Variants in GSAP observed in about 807,000 individuals in gnomAD.
GSAP encodes gamma-secretase-activating protein.
GSAP carries 118 observed loss-of-function variants against 131.7 expected under a neutral mutation model. That is an observed-to-expected ratio of 0.90 (90% CI 0.77 to 1.04). The LOEUF is 1.04. Among genes scored for constraint, GSAP ranks in the 50% least tolerant of loss-of-function variants. GSAP has a pLI of 0.00. For missense variants in GSAP, 1,019 were observed against 1,013.2 expected (o/e 1.01, Z -0.08); for synonymous variants, 381 against 363.4 (o/e 1.05, Z -0.55).
At chr7:77,355,715 A>G in intron 14 of GSAP, 68 bp from the exon 15 acceptor site, 1 of 890,520 alleles carries the variant, frequency 1.1e-6, no homozygotes, top group Non-Finnish European at 1.9e-6. Context: ...ATGTCACATT[A>G]TCCCTGCTTG....
chr7:77,318,427 T>A (rs1005047653), intron 26 of GSAP, among the ~76,000 whole-genome samples: 4 of 152,210 alleles, frequency 2.6e-5, no homozygotes, highest in African/African-American at 9.6e-5. Context: ...TATGTTGGCC[T>A]AAAATGAAGC....
At position 77,377,404 on chromosome 7, in the gene GSAP, A is replaced by T; in HGVS notation, c.577-14T>A. 2.0e-6 allele frequency: 1 copy of T among 497,814 alleles called. No individual in the cohort carries two copies. 30.8% of individuals were successfully genotyped at this position (497,814 alleles called of 1,614,324 possible). On this transcript the variant is annotated splice_polypyrimidine_tract_variant and intron_variant, in intron 8 of 30. Coordinates refer to ENST00000257626, the MANE Select transcript of GSAP (RefSeq NM_017439.4). Reference sequence around the variant, plus strand: ...ATTTTTAATCACCTAAAAATGCAAAAAAAAAAAAAAAAAAAAAAGTATGAA... The same window carrying T: ...ATTTTTAATCACCTAAAAATGCAAATAAAAAAAAAAAAAAAAAAGTATGAA...
At chr7:77,390,444 C>T (rs1799290169) in intron 5 of GSAP, among the ~76,000 whole-genome samples, 1 of 152,148 alleles carries the variant, frequency 6.6e-6, no homozygotes, top group South Asian at 2.1e-4. Context: ...TTTAATCCAT[C>T]TTGAATTAAT....
In GSAP at chr7:77,320,804, A is replaced by C. The variant is rs760124354; in HGVS notation, c.2010T>G (p.Ser670Arg). 5 of 1,606,182 alleles carry C rather than the reference A, an allele frequency of 3.1e-6. No homozygotes were observed. The African/African-American group carries it at 6.7e-5, about 21-fold the overall frequency. ...TGTGAAAAACTGCAAATTCAGCAGC[A>C]CTGCCACGACTATTGCTGGGTAAAA... Reference protein sequence around the residue: ...SWVLHFNSRGSAAEFAVFHIM... With the variant: ...SWVLHFNSRGRAAEFAVFHIM... The change falls in exon 26 of 31, where the codon AGT becomes AGG. Residue 670 changes from serine to arginine, a missense_variant. By Grantham distance (110) the Ser-to-Arg change is moderately radical (BLOSUM62 -1). Coordinates refer to ENST00000257626, the MANE Select transcript of GSAP (RefSeq NM_017439.4).
At chr7:77,384,981 G>A (rs1449331260) in intron 6 of GSAP, among the ~76,000 whole-genome samples, 3 of 151,772 alleles carry the variant, frequency 2.0e-5, no homozygotes, top group African/African-American at 7.3e-5. Flanking sequence ...CTTTATTTGG[G>A]TTGGGACTTT....
intron 1 of GSAP, among the ~76,000 whole-genome samples, chr7:77,411,447 T>A (rs559727258): frequency 6.6e-6 from 1 of 152,352 alleles, no homozygotes; most frequent in African/African-American, 2.4e-5. Flanking sequence ...AGTCAACATA[T>A]AAGATCTATC....
In GSAP at chr7:77,372,431, A is replaced by C. The variant is rs910500859; in HGVS notation, c.871+1639T>G. Reference sequence around the variant, plus strand: ...TTTTTCAAGAAATTATGAAAATTTGAATAGAAAATAAAGTTTATTGATTAA... The same window carrying C: ...TTTTTCAAGAAATTATGAAAATTTGCATAGAAAATAAAGTTTATTGATTAA... On this transcript the variant is annotated intron_variant, in intron 12 of 30. Coordinates refer to ENST00000257626, the MANE Select transcript of GSAP (RefSeq NM_017439.4). 1.4e-4 allele frequency among the ~76,000 whole-genome samples: 21 copies of C among 152,322 alleles called. No individual in the cohort carries two copies. The South Asian group carries it at 3.1e-3, about 23-fold the overall frequency.
rs760411955 is a variant in GSAP, at chr7:77,313,441, G to T, written c.2271+47C>A. The T allele has an allele frequency of 5.7e-5, 53 of 926,560 alleles. No homozygotes were observed. In the Admixed American group the frequency reaches 1.0e-3, roughly 18 times the overall value. The allele number at this position is 926,560 out of a possible 1,614,324, so 57.4% of individuals were successfully genotyped here. On this transcript the variant is annotated intron_variant, in intron 28 of 30. Coordinates refer to ENST00000257626, the MANE Select transcript of GSAP (RefSeq NM_017439.4). ...TTTTTGCAAGAAGAAATTGAAGGAGGGTAATGCCAAAGCTTAGGGAGAAAA... is the reference window on the plus strand; with the variant it reads ...TTTTTGCAAGAAGAAATTGAAGGAGTGTAATGCCAAAGCTTAGGGAGAAAA...
At chr7:77,319,500 A>C (rs972028390) in intron 26 of GSAP, among the ~76,000 whole-genome samples, 1 of 152,202 alleles carries the variant, frequency 6.6e-6, no homozygotes, top group East Asian at 1.9e-4. Flanking sequence ...TCCTCAAAAA[A>C]TTTAAAAAAA....
At position 77,362,675 on chromosome 7, in the gene GSAP, A is replaced by G. The variant is rs1369598737; in HGVS notation, c.872-15T>C. 6.9e-7 allele frequency: 1 copy of G among 1,455,716 alleles called. No homozygotes were observed. Among genetic ancestry groups the G allele is most frequent in the Non-Finnish European group, 9.6e-7 (1 of 1,037,296 alleles). The allele number at this position is 1,455,716 out of a possible 1,614,324, so 90.2% of individuals were successfully genotyped here. A position where few individuals can be genotyped will look rare whatever the true frequency, so the allele number is the denominator to read the frequency against. On this transcript the variant is annotated splice_polypyrimidine_tract_variant and intron_variant, in intron 12 of 30. Transcript: ENST00000257626. ...ACACAAACTTCCTAGAAGAAAAAGG[A>G]TATTTAGTAGAGTTTAACAGAATCT...
intron 19 of GSAP, among the ~76,000 whole-genome samples, chr7:77,346,129 G>A (rs1380750514): frequency 6.6e-6 from 1 of 151,494 alleles, no homozygotes; most frequent in Non-Finnish European, 1.5e-5. Context: ...AATTATCCGG[G>A]CATAGTGGTG....
At position 77,378,680 on chromosome 7, in the gene GSAP, A is replaced by C. The variant is rs150317080; in HGVS notation, c.577-1290T>G. Among the ~76,000 whole-genome samples, 159 of 152,300 alleles carry C rather than the reference A, an allele frequency of 1.0e-3. 1 individual carries two copies. In the East Asian group the frequency reaches 0.025, roughly 24 times the overall value. ...AACAGGTAAGAAAACTGAGGTCCTG[A>C]GCAGTTAGATTAGGCTGCATAGTTA... On this transcript the variant is annotated intron_variant, in intron 8 of 30. Coordinates refer to ENST00000257626, the MANE Select transcript of GSAP (RefSeq NM_017439.4).
At chr7:77,341,820 A>G (rs1790950550) in intron 19 of GSAP, among the ~76,000 whole-genome samples, 1 of 152,270 alleles carries the variant, frequency 6.6e-6, no homozygotes, top group Admixed American at 6.5e-5. Flanking sequence ...GAGTAGAGGC[A>G]GCCAAGTAGC....
In GSAP at chr7:77,349,424, A is replaced by C; in HGVS notation, c.1492-20T>G. The C allele has an allele frequency of 6.2e-7, 1 of 1,606,002 alleles. No individual in the cohort carries two copies. Among genetic ancestry groups the C allele is most frequent in the Non-Finnish European group, 8.5e-7 (1 of 1,174,196 alleles). On this transcript the variant is annotated intron_variant, in intron 18 of 30. Coordinates refer to ENST00000257626, the MANE Select transcript of GSAP (RefSeq NM_017439.4). Reference sequence around the variant, plus strand: ...AATTTCCTATAGTGGGGAAAAACACACACACACAGCTGCTCAGTGTATGAA... The same window carrying C: ...AATTTCCTATAGTGGGGAAAAACACCCACACACAGCTGCTCAGTGTATGAA...
chr7:77,404,854 T>C (rs111568997), intron 2 of GSAP, among the ~76,000 whole-genome samples: 14 of 152,298 alleles, frequency 9.2e-5, no homozygotes, highest in African/African-American at 3.4e-4. Context: ...GGACTGAGCA[T>C]GGTGGGCGTA....
chr7:77,378,734 G>A lies in GSAP; in HGVS notation c.577-1344C>T, dbSNP rs528382105. ...CTGCAAGGTCTGGAATCCACGTCCT[G>A]GAATCCTCCCAGTGCCCTTTCAGTG... On this transcript the variant is annotated intron_variant, in intron 8 of 30. Coordinates refer to ENST00000257626, the MANE Select transcript of GSAP (RefSeq NM_017439.4). Among the ~76,000 whole-genome samples, 2 of 152,228 alleles carry A rather than the reference G, an allele frequency of 1.3e-5. 1 individual carries two copies. The highest frequency in any genetic ancestry group is 3.9e-4 in the East Asian group (2 of 5,184).
At chr7:77,361,001 A>C (rs1409962766) in intron 13 of GSAP, 100 bp from the exon 14 acceptor site, 2 of 712,370 alleles carry the variant, frequency 2.8e-6, no homozygotes, top group Non-Finnish European at 5.1e-6. Flanking sequence ...AGTGACCATG[A>C]AACTGGTAAG....
intron 5 of GSAP, among the ~76,000 whole-genome samples, chr7:77,390,946 T>TAAAAAAAAAAAAA (rs71085453): frequency 5.3e-5 from 2 of 37,928 alleles, no homozygotes; most frequent in African/African-American, 9.7e-5. Flanking sequence ...AGACTCCGTC[T>TAAAAAAAAAAAAA]AAAAAAAAAA....
chr7:77,340,440 G>A (rs890281898), intron 19 of GSAP, among the ~76,000 whole-genome samples: 2 of 152,160 alleles, frequency 1.3e-5, no homozygotes, highest in Admixed American at 6.5e-5. Context: ...CCTCACTTCC[G>A]TGAGGAGATC....
Sources: gnomAD v4.1 joint callset for allele counts (sites outside exome capture counted in the v4.1 genomes callset) on GRCh38, gnomAD v4.1.1 for gene constraint, MANE v1.5 for transcripts, NCBI Gene and HGNC (gene_info 2026-07-23, HGNC 2026-07-21) for gene names.